Variants in IMMP2L observed in about 807,000 individuals in gnomAD.
IMMP2L encodes mitochondrial inner membrane protease subunit 2.
In IMMP2L, 18 loss-of-function variants were observed where a neutral mutation model predicts 19.3. That is an observed-to-expected ratio of 0.93 (90% CI 0.64 to 1.38). The LOEUF is 1.38. Among genes scored for constraint, IMMP2L ranks in the 40% most tolerant of loss-of-function variants. The pLI is 0.00. For synonymous variants in IMMP2L, 76 were observed against 73.0 expected (o/e 1.04, Z -0.21); for missense variants, 233 against 218.2 (o/e 1.07, Z -0.43).
intron 3 of IMMP2L, among the ~76,000 whole-genome samples, chr7:111,268,583 T>TA (rs1562987717): frequency 3.2e-5 from 1 of 31,582 alleles, no homozygotes; most frequent in African/African-American, 1.0e-4. Context: ...TTTTTTTTTT[T>TA]TTTTTTTTTT....
chr7:111,308,403 T>A (rs1823122985), intron 3 of IMMP2L, among the ~76,000 whole-genome samples: 1 of 151,936 alleles, frequency 6.6e-6, no homozygotes, highest in South Asian at 2.1e-4. Flanking sequence ...ATTGAAGACG[T>A]AGGCAGTGGG....
chr7:110,672,934 AC>A (rs1430184253), intron 5 of IMMP2L, among the ~76,000 whole-genome samples: 1 of 152,158 alleles, frequency 6.6e-6, no homozygotes, highest in Non-Finnish European at 1.5e-5. Context: ...CAGTGGATCT[AC>A]CATTTTGGGG....
intron 3 of IMMP2L, among the ~76,000 whole-genome samples, chr7:111,062,889 C>T (rs1419966065): frequency 6.6e-6 from 1 of 152,238 alleles, no homozygotes; most frequent in African/African-American, 2.4e-5. Flanking sequence ...GTACAGCCCT[C>T]CTCCTGGCTG....
intron 3 of IMMP2L, among the ~76,000 whole-genome samples, chr7:111,420,840 T>C (rs956520788): frequency 6.6e-6 from 1 of 151,826 alleles, no homozygotes; most frequent in Non-Finnish European, 1.5e-5. Flanking sequence ...AAGTCTTTGC[T>C]ATTGTGAATA....
chr7:110,667,091 C>T (rs2051174493), intron 5 of IMMP2L, among the ~76,000 whole-genome samples: 1 of 152,076 alleles, frequency 6.6e-6, no homozygotes, highest in South Asian at 2.1e-4. Flanking sequence ...AAGATGGTCT[C>T]GATCTTCTGA....
chr7:110,860,344 T>C (rs954840932), intron 5 of IMMP2L, among the ~76,000 whole-genome samples: 4 of 152,134 alleles, frequency 2.6e-5, no homozygotes, highest in Admixed American at 6.6e-5. Flanking sequence ...TTACCTCCTA[T>C]TGAGAGATAT....
At position 111,426,317 on chromosome 7, in the gene IMMP2L, T is replaced by A. The variant is rs923943387; in HGVS notation, c.239+60921A>T. 4.0e-5 allele frequency among the ~76,000 whole-genome samples: 6 copies of A among 151,210 alleles called. 1 individual carries two copies. The highest frequency in any genetic ancestry group is 3.3e-4 in the Admixed American group (5 of 15,152). On this transcript the variant is annotated intron_variant, in intron 3 of 5. Coordinates refer to ENST00000405709, the MANE Select transcript of IMMP2L (RefSeq NM_032549.4). ...TTTCAATCACCAGTATAATTTAGGT[T>A]TTGCTTATTCACCACTAAATCACAG...
At chr7:111,396,335 G>C (rs890081099) in intron 3 of IMMP2L, among the ~76,000 whole-genome samples, 1 of 152,064 alleles carries the variant, frequency 6.6e-6, no homozygotes, top group Non-Finnish European at 1.5e-5. Context: ...GCCATAAAAA[G>C]AATAAGTTCA....
chr7:111,156,832 T>G (rs1345543066), intron 3 of IMMP2L, among the ~76,000 whole-genome samples: 1 of 151,990 alleles, frequency 6.6e-6, no homozygotes, highest in East Asian at 1.9e-4. Flanking sequence ...CTTCTAGGCC[T>G]GAGATTTTTT....
intron 3 of IMMP2L, among the ~76,000 whole-genome samples, chr7:110,969,251 T>C (rs987251827): frequency 2.0e-5 from 3 of 152,108 alleles, no homozygotes; most frequent in African/African-American, 7.2e-5. Flanking sequence ...TTTTTAATGA[T>C]TCATTTATAA....
At chr7:110,981,587 G>A (rs990474774) in intron 3 of IMMP2L, among the ~76,000 whole-genome samples, 3 of 151,432 alleles carry the variant, frequency 2.0e-5, no homozygotes, top group African/African-American at 7.3e-5. Context: ...AAAGATTGAA[G>A]TGATAAGTAG....
At chr7:110,871,414 A>G (rs1471718030) in intron 5 of IMMP2L, among the ~76,000 whole-genome samples, 2 of 152,144 alleles carry the variant, frequency 1.3e-5, no homozygotes, top group African/African-American at 4.8e-5. Flanking sequence ...GCAGAGAAGG[A>G]TGAAAATGTA....
chr7:111,159,418 G>A (rs540854371), intron 3 of IMMP2L, among the ~76,000 whole-genome samples: 14 of 152,070 alleles, frequency 9.2e-5, no homozygotes, highest in African/African-American at 3.4e-4. Flanking sequence ...CTGTCCTCAG[G>A]TCGATGCTGA....
At chr7:110,716,422 G>A (rs771780979) in intron 5 of IMMP2L, among the ~76,000 whole-genome samples, 9 of 152,144 alleles carry the variant, frequency 5.9e-5, no homozygotes, top group Non-Finnish European at 1.2e-4. Context: ...GTGTGTTTTT[G>A]TGGTAGCAGG....
At chr7:111,269,676 AAAG>A (rs1282364401) in intron 3 of IMMP2L, among the ~76,000 whole-genome samples, 8 of 152,274 alleles carry the variant, frequency 5.3e-5, no homozygotes, top group African/African-American at 9.6e-5. Flanking sequence ...TCACATCATG[AAAG>A]AAGATGTAAC....
chr7:111,064,825 C>G (rs1477371046), intron 3 of IMMP2L, among the ~76,000 whole-genome samples: 1 of 152,186 alleles, frequency 6.6e-6, no homozygotes, highest in Non-Finnish European at 1.5e-5. Flanking sequence ...CAGTCTACTA[C>G]TCCGCAATGG....
chr7:110,776,030 A>C (rs917055104), intron 5 of IMMP2L, among the ~76,000 whole-genome samples: 2 of 152,074 alleles, frequency 1.3e-5, no homozygotes, highest in African/African-American at 4.8e-5. Context: ...TATAGTTAAA[A>C]CATCATACTC....
intron 3 of IMMP2L, among the ~76,000 whole-genome samples, chr7:111,113,074 A>C (rs1423330762): frequency 6.6e-6 from 1 of 152,194 alleles, no homozygotes; most frequent in African/African-American, 2.4e-5. Context: ...AACTACCCAG[A>C]AACCTTCTAC....
At chr7:111,512,421 A>AT in intron 2 of IMMP2L, among the ~76,000 whole-genome samples, 1 of 152,228 alleles carries the variant, frequency 6.6e-6, no homozygotes, top group Middle Eastern at 3.4e-3. Flanking sequence ...TGATGAAAAT[A>AT]TTTTAAAACC....
Sources: allele counts gnomAD v4.1 joint callset (sites outside exome capture counted in the v4.1 genomes callset), GRCh38; gene constraint gnomAD v4.1.1; transcripts MANE v1.5; gene names NCBI Gene and HGNC (gene_info 2026-07-23, HGNC 2026-07-21).